The following SSBP3 variants were observed in gnomAD, a reference collection of about 807,000 sequenced individuals.
SSBP3 encodes single stranded DNA binding protein 3, also known as single-stranded DNA-binding protein 3.
In SSBP3, 5 loss-of-function variants were observed where a neutral mutation model predicts 69.6. That is an observed-to-expected ratio of 0.07 (90% CI 0.04 to 0.15). The LOEUF (loss-of-function observed/expected upper bound fraction) is 0.15, where lower values mean the gene tolerates loss of function less well. Among genes scored for constraint, SSBP3 ranks in the 10% least tolerant of loss-of-function variants. The pLI, the probability that SSBP3 is intolerant of heterozygous loss-of-function variation, is 1.00. For missense variants in SSBP3, 312 were observed against 534.0 expected (o/e 0.58, Z 4.10); for synonymous variants, 196 against 193.4 (o/e 1.01, Z -0.11).
intron 7 of SSBP3, among the ~76,000 whole-genome samples, chr1:54,252,763 T>G (rs1644852175): frequency 6.6e-6 from 1 of 152,104 alleles, no homozygotes; most frequent in Non-Finnish European, 1.5e-5. Context: ...AGAGTAGGAG[T>G]TGCTGGGGGG....
chr1:54,272,486 T>A (rs3753411), intron 5 of SSBP3, among the ~76,000 whole-genome samples: 73,974 of 143,042 alleles, frequency 0.52, 18,498 homozygotes, highest in South Asian at 0.64. Flanking sequence ...TGACCTTTTT[T>A]TTAAAAAAAA....
At chr1:54,384,536 T>G (rs1251486859) in intron 4 of SSBP3, among the ~76,000 whole-genome samples, 1 of 152,200 alleles carries the variant, frequency 6.6e-6, no homozygotes. Flanking sequence ...CAAAGATTAT[T>G]AGAAGCATCT....
chr1:54,356,568 G>A (rs1646870192), intron 4 of SSBP3: 1 of 152,196 alleles, frequency 6.6e-6, no homozygotes. Context: ...CGGGAGCTAG[G>A]CGGCGGGGAC....
upstream of SSBP3, among the ~76,000 whole-genome samples, chr1:54,408,775 C>T (rs1295068337): frequency 6.6e-6 from 1 of 152,226 alleles, no homozygotes; most frequent in African/African-American, 2.4e-5. Flanking sequence ...AGGACTAGCA[C>T]CTCCTTTCCA....
chr1:54,262,136 T>C (rs1318828652), intron 5 of SSBP3, among the ~76,000 whole-genome samples: 1 of 152,210 alleles, frequency 6.6e-6, no homozygotes, highest in Non-Finnish European at 1.5e-5. Flanking sequence ...CATTTCCATT[T>C]TCTTGACAGT....
rs12022053 is a variant in SSBP3, at chr1:54,355,608, C to T, written c.276+46253G>A. On this transcript the variant is annotated intron_variant, in intron 4 of 17. Coordinates refer to ENST00000610401, the Ensembl canonical transcript of SSBP3. Reference sequence around the variant, plus strand: ...AAGTGATCCACCCGGCTCAGCCTCCCGAAGTGCTGGGATTACAGGTGTTGA... The same window carrying T: ...AAGTGATCCACCCGGCTCAGCCTCCTGAAGTGCTGGGATTACAGGTGTTGA... 1.6e-3 allele frequency among the ~76,000 whole-genome samples: 244 copies of T among 152,242 alleles called. 3 individuals carry two copies. In the East Asian group the frequency reaches 0.038, roughly 24 times the overall value.
chr1:54,272,512 C>A (rs2100826062), intron 5 of SSBP3, among the ~76,000 whole-genome samples: 1 of 149,128 alleles, frequency 6.7e-6, no homozygotes, highest in South Asian at 2.1e-4. Context: ...GGGAGAAAAA[C>A]CTCAGTACAA....
At chr1:54,279,557 C>G (rs1193765024) in intron 5 of SSBP3, among the ~76,000 whole-genome samples, 1 of 152,244 alleles carries the variant, frequency 6.6e-6, no homozygotes, top group Non-Finnish European at 1.5e-5. Flanking sequence ...CAGATGCCGG[C>G]AAGCAGCCTC....
intron 4 of SSBP3, among the ~76,000 whole-genome samples, chr1:54,373,781 A>C (rs1238130586): frequency 1.3e-5 from 2 of 150,974 alleles, no homozygotes; most frequent in African/African-American, 2.4e-5. Context: ...AAAAAAAAAA[A>C]AAAAACAGGA....
chr1:54,396,193 G>GAAAAAAAAAAAAAAAAAAAAAAAAAA (rs59276509), intron 4 of SSBP3, among the ~76,000 whole-genome samples: 13 of 40,582 alleles, frequency 3.2e-4, no homozygotes, highest in Admixed American at 5.4e-4. Flanking sequence ...CTCCATCTCA[G>GAAAAAAAAAAAAAAAAAAAAAAAAAA]AAAAAAAAAA....
intron 4 of SSBP3, among the ~76,000 whole-genome samples, chr1:54,332,220 C>G (rs1042646186): frequency 2.0e-5 from 3 of 152,156 alleles, no homozygotes; most frequent in African/African-American, 7.2e-5. Context: ...ATAGAATAAT[C>G]AGATACTGGC....
intron 4 of SSBP3, among the ~76,000 whole-genome samples, chr1:54,351,507 G>A (rs571194416): frequency 1.6e-4 from 24 of 152,316 alleles, no homozygotes; most frequent in African/African-American, 5.5e-4. Context: ...GTTATGCTCA[G>A]GAAGGTTATA....
At chr1:54,397,881 C>G (rs1649006974) in intron 4 of SSBP3, among the ~76,000 whole-genome samples, 1 of 152,162 alleles carries the variant, frequency 6.6e-6, no homozygotes. Flanking sequence ...AACCCCCTTC[C>G]CAGAGTTCAG....
chr1:54,411,696 T>C (rs947193832), intron 1 of SSBP3, among the ~76,000 whole-genome samples: 12 of 151,148 alleles, frequency 7.9e-5, no homozygotes, highest in African/African-American at 2.7e-4. Flanking sequence ...ATCGAGACCA[T>C]CCTGGCTAAC....
chr1:54,317,889 C>A (rs1479768092), intron 4 of SSBP3, among the ~76,000 whole-genome samples: 1 of 152,150 alleles, frequency 6.6e-6, no homozygotes, highest in African/African-American at 2.4e-5. Context: ...CCTCAGCCTC[C>A]TGAGTAGCTG....
At chr1:54,369,983 G>A (rs767393144) in intron 4 of SSBP3, among the ~76,000 whole-genome samples, 1 of 152,142 alleles carries the variant, frequency 6.6e-6, no homozygotes. Context: ...ATGTGGAGTA[G>A]AACTCAAGAT....
chr1:54,404,214 TCC>T, intron 3 of SSBP3, among the ~76,000 whole-genome samples: 1 of 152,050 alleles, frequency 6.6e-6, no homozygotes, highest in Admixed American at 6.5e-5. Context: ...AGACCTGGTA[TCC>T]CCTCCACGCC....
At chr1:54,235,448 ATTTTTTTTTT>A (rs71580002) in intron 14 of SSBP3, among the ~76,000 whole-genome samples, 6 of 69,922 alleles carry the variant, frequency 8.6e-5, no homozygotes, top group East Asian at 4.1e-4. Context: ...TGCCCGGCTG[ATTTTTTTTTT>A]TTTTTTTTTT....
chr1:54,227,182 G>GGC (rs769663955), intron 17 of SSBP3, 22 bp from the exon 18 acceptor site: 51 of 626,132 alleles, frequency 8.1e-5, no homozygotes, highest in South Asian at 3.9e-4. Flanking sequence ...AAGCAGAGAA[G>GGC]GGGGGGGGGT....
Sources: allele counts gnomAD v4.1 joint callset (sites outside exome capture counted in the v4.1 genomes callset), GRCh38; gene constraint gnomAD v4.1.1; transcripts MANE v1.5; gene names NCBI Gene and HGNC (gene_info 2026-07-23, HGNC 2026-07-21).